The following PDE11A variants were observed in gnomAD, a reference collection of about 807,000 sequenced individuals.
PDE11A encodes the protein dual 3',5'-cyclic-AMP and -GMP phosphodiesterase 11A.
A neutral mutation model predicts 100.5 loss-of-function variants in PDE11A; 100 were observed. The ratio of observed to expected loss-of-function variants is 1.00; its 90% CI spans 0.85 to 1.18. The LOEUF (loss-of-function observed/expected upper bound fraction) is 1.18. PDE11A is among the 50% of genes most tolerant of loss of function. PDE11A has a pLI of 0.00. For synonymous variants in PDE11A, 381 were observed against 420.8 expected (o/e 0.91, Z 1.16); for missense variants, 1,141 against 1,152.6 (o/e 0.99, Z 0.15).
Position 177,656,069 on chromosome 2 carries a change from AC to A in PDE11A, c.2646+7796del, listed in dbSNP as rs531700231. Reference sequence around the variant, plus strand: ...AGAATTCAACTATGATGAGAACTAAACCACTTTATAAAAAGATATCATAGGC... The same window carrying A: ...AGAATTCAACTATGATGAGAACTAAACACTTTATAAAAAGATATCATAGGC... On this transcript the variant is annotated intron_variant, in intron 19 of 19. Transcript: ENST00000286063. Among the ~76,000 whole-genome samples the A allele has an allele frequency of 4.3e-4, 66 of 152,288 alleles. 1 individual carries two copies. The South Asian group carries it at 0.013, about 30-fold the overall frequency.
At chr2:177,942,349 G>C (rs1346473877) in intron 2 of PDE11A, among the ~76,000 whole-genome samples, 4 of 152,052 alleles carry the variant, frequency 2.6e-5, no homozygotes, top group Non-Finnish European at 5.9e-5. Context: ...CAAGTGCCCA[G>C]CAAATGTTAG....
intron 2 of PDE11A, among the ~76,000 whole-genome samples, chr2:177,944,956 G>C (rs966494280): frequency 2.0e-5 from 3 of 148,712 alleles, no homozygotes; most frequent in Non-Finnish European, 4.5e-5. Context: ...TCAGCCTGCT[G>C]AGTGCCTGCC....
intron 9 of PDE11A, among the ~76,000 whole-genome samples, chr2:177,809,653 A>AAAT (rs1327843310): frequency 6.6e-6 from 1 of 152,172 alleles, no homozygotes; most frequent in East Asian, 1.9e-4. Context: ...AAGAGTAAAG[A>AAAT]AGCTATGACT....
intron 4 of PDE11A, among the ~76,000 whole-genome samples, chr2:177,876,658 C>CA (rs1395770504): frequency 6.7e-6 from 1 of 148,170 alleles, no homozygotes; most frequent in Non-Finnish European, 1.5e-5. Context: ...ATTTTATACT[C>CA]AGTCTATAGA....
intron 17 of PDE11A, among the ~76,000 whole-genome samples, chr2:177,675,221 T>C (rs1351930942): frequency 6.7e-6 from 1 of 150,350 alleles, no homozygotes; most frequent in Non-Finnish European, 1.5e-5. Context: ...ATTAAAAATA[T>C]CTTACAGAGT....
At chr2:177,732,514 T>C (rs2081706937) in intron 10 of PDE11A, among the ~76,000 whole-genome samples, 1 of 152,182 alleles carries the variant, frequency 6.6e-6, no homozygotes, top group Admixed American at 6.5e-5. Context: ...GAAATGGTGA[T>C]AGAGGCAGCA....
intron 10 of PDE11A, among the ~76,000 whole-genome samples, chr2:177,744,972 AAT>A (rs1460466053): frequency 1.3e-5 from 2 of 152,192 alleles, no homozygotes; most frequent in Non-Finnish European, 2.9e-5. Flanking sequence ...CCATCGCTCA[AAT>A]ATAGTGAGAG....
chr2:177,960,090 A>AT (rs113728591), intron 2 of PDE11A, among the ~76,000 whole-genome samples: 1,702 of 149,322 alleles, frequency 0.011, 45 homozygotes, highest in African/African-American at 0.038. Flanking sequence ...CACTGTCATT[A>AT]TTTTTTTTTT....
At chr2:177,646,610 G>A (rs559691130) in intron 19 of PDE11A, among the ~76,000 whole-genome samples, 1 of 152,202 alleles carries the variant, frequency 6.6e-6, no homozygotes, top group South Asian at 2.1e-4. Flanking sequence ...TACATCAGGG[G>A]TCTCAACTGG....
intron 2 of PDE11A, among the ~76,000 whole-genome samples, chr2:178,085,643 TG>T (rs2105880980): frequency 6.6e-6 from 1 of 152,296 alleles, no homozygotes; most frequent in South Asian, 2.1e-4. Flanking sequence ...TTAACAAGAC[TG>T]TACAAGAAGG....
chr2:178,084,530 C>T (rs2087324570), intron 2 of PDE11A, among the ~76,000 whole-genome samples: 1 of 152,140 alleles, frequency 6.6e-6, no homozygotes, highest in Non-Finnish European at 1.5e-5. Context: ...GATGGTTTCG[C>T]AAGCCAGAAT....
intron 19 of PDE11A, among the ~76,000 whole-genome samples, chr2:177,650,896 C>A (rs1400613617): frequency 6.6e-6 from 1 of 152,068 alleles, no homozygotes; most frequent in Non-Finnish European, 1.5e-5. Flanking sequence ...TAAAGGTGAC[C>A]CAATAAATGA....
chr2:177,992,338 G>A (rs549911702), intron 2 of PDE11A, among the ~76,000 whole-genome samples: 1 of 151,456 alleles, frequency 6.6e-6, no homozygotes, highest in Non-Finnish European at 1.5e-5. Flanking sequence ...GAAATCAGAT[G>A]GTGGTTAAGT....
intron 14 of PDE11A, among the ~76,000 whole-genome samples, chr2:177,699,168 A>G (rs1559148851): frequency 6.6e-6 from 1 of 152,176 alleles, no homozygotes; most frequent in Admixed American, 6.5e-5. Context: ...ACAAAACTAG[A>G]TGATACAGCC....
chr2:177,749,334 C>T (rs1574104273), intron 10 of PDE11A, among the ~76,000 whole-genome samples: 1 of 152,122 alleles, frequency 6.6e-6, no homozygotes, highest in Non-Finnish European at 1.5e-5. Flanking sequence ...GCCTTGGCCT[C>T]ATAAAGTGCT....
chr2:177,642,496 C>T (rs759042643), intron 19 of PDE11A, among the ~76,000 whole-genome samples: 10 of 152,156 alleles, frequency 6.6e-5, no homozygotes, highest in Non-Finnish European at 1.5e-4. Context: ...TAATTCCTGC[C>T]CTGTTTAAGG....
chr2:177,625,153 A>G lies in PDE11A; in HGVS notation c.*4254T>C, dbSNP rs1388290490. 1 of 152,676 alleles carries G rather than the reference A, an allele frequency of 6.5e-6. No individual in the cohort carries two copies. The highest frequency in any genetic ancestry group is 1.5e-5 in the Non-Finnish European group (1 of 68,044). The allele number at this position is 152,676 out of a possible 1,614,324, so 9.5% of individuals were successfully genotyped here. The stretch of plus-strand genomic sequence containing the variant: ...AGAGACAGGCTCAAGATACATCTGT[A>G]GTATGATTGTGCTTACATCTACCCC... On this transcript the variant is annotated 3_prime_UTR_variant, in exon 20 of 20. Coordinates refer to ENST00000286063, the MANE Select transcript of PDE11A (RefSeq NM_016953.4).
chr2:177,924,409 C>G (rs903620748), intron 2 of PDE11A, among the ~76,000 whole-genome samples: 1 of 152,108 alleles, frequency 6.6e-6, no homozygotes, highest in Non-Finnish European at 1.5e-5. Context: ...ATTTTCCTTA[C>G]GAATATCTCT....
intron 2 of PDE11A, among the ~76,000 whole-genome samples, chr2:177,991,884 ATTT>A (rs1265979826): frequency 1.3e-5 from 2 of 150,922 alleles, no homozygotes; most frequent in Non-Finnish European, 3.0e-5. Context: ...AAGGGAAGAG[ATTT>A]GGGCCATAAT....
Sources: allele counts gnomAD v4.1 joint callset (sites outside exome capture counted in the v4.1 genomes callset), GRCh38; gene constraint gnomAD v4.1.1; transcripts MANE v1.5; gene names NCBI Gene and HGNC (gene_info 2026-07-23, HGNC 2026-07-21).